The following CAPZB variants were observed in gnomAD, a reference collection of about 807,000 sequenced individuals.
CAPZB encodes the protein capping actin protein of muscle Z-line subunit beta.
CAPZB carries 2 observed loss-of-function variants against 38.1 expected under a neutral mutation model. That is an observed-to-expected ratio of 0.05 (90% CI 0.02 to 0.17). CAPZB has a LOEUF of 0.17. Ranked by LOEUF, CAPZB falls within the 10% of genes least tolerant of loss-of-function variation. The pLI is 1.00. For synonymous variants in CAPZB, 107 were observed against 127.4 expected, an observed-to-expected ratio of 0.84 and a Z score of 1.08; for missense variants, 161 against 334.2, an observed-to-expected ratio of 0.48 and a Z score of 4.04.
At chr1:19,384,277 G>A (rs993456134) in intron 3 of CAPZB, among the ~76,000 whole-genome samples, 2 of 151,786 alleles carry the variant, frequency 1.3e-5, no homozygotes, top group African/African-American at 4.8e-5. Flanking sequence ...CTCCACCTCT[G>A]GCCTTCTGCC....
intron 1 of CAPZB, among the ~76,000 whole-genome samples, chr1:19,433,227 C>T (rs562799229): frequency 2.0e-5 from 3 of 152,322 alleles, no homozygotes; most frequent in Middle Eastern, 3.4e-3. Context: ...AATCCTGAGA[C>T]GTCTTCAAGG....
intron 6 of CAPZB, among the ~76,000 whole-genome samples, chr1:19,353,676 C>T (rs1357034703): frequency 6.6e-6 from 1 of 152,202 alleles, no homozygotes; most frequent in Non-Finnish European, 1.5e-5. Context: ...CTTCTGAAAA[C>T]ACAGATCCAA....
chr1:19,440,732 C>T (rs2094473144), intron 1 of CAPZB, among the ~76,000 whole-genome samples: 1 of 152,176 alleles, frequency 6.6e-6, no homozygotes, highest in Non-Finnish European at 1.5e-5. Context: ...ATCCTGAAGA[C>T]AGACTATTAC....
chr1:19,378,653 C>T lies in CAPZB; in HGVS notation c.216G>A (p.Arg72=). ...CDYNRDGDSY[R]SPWSNKYDPP... ...GGTCATACTTGTTACTCCATGGTGA[C>T]CTGGAGGGAAGGAAGGAAAAGTATA... The change falls in exon 4 of 9, where the codon AGG becomes AGA. Residue 72 remains arginine (R), a splice_region_variant and synonymous_variant. Transcript: ENST00000264202. 5 of 1,556,436 alleles carry T rather than the reference C, an allele frequency of 3.2e-6. No homozygotes were observed. Among genetic ancestry groups the T allele is most frequent in the Non-Finnish European group, 4.4e-6 (5 of 1,127,838 alleles).
chr1:19,368,498 A>G lies in CAPZB; in HGVS notation c.329+10042T>C, dbSNP rs1223932789. On this transcript the variant is annotated intron_variant, in intron 4 of 8. Transcript: ENST00000264202. ...CCCGTCTCCATTTTTTTTCTTGGAA[A>G]AAAAAAAAAAAAAAAACGGTGGAGA... 4.0e-3 allele frequency among the ~76,000 whole-genome samples: 295 copies of G among 72,948 alleles called. 1 individual carries two copies. Among genetic ancestry groups the G allele is most frequent in the African/African-American group, 0.017 (273 of 16,242 alleles). 47.9% of individuals were successfully genotyped at this position (72,948 alleles called of 152,430 possible).
At chr1:19,388,838 G>A (rs1331336583) in intron 2 of CAPZB, among the ~76,000 whole-genome samples, 1 of 152,196 alleles carries the variant, frequency 6.6e-6, no homozygotes, top group Non-Finnish European at 1.5e-5. Context: ...TCTGTGATGG[G>A]ACTTCTGAAA....
chr1:19,481,859 G>A (rs902113049), intron 1 of CAPZB, among the ~76,000 whole-genome samples: 1 of 152,172 alleles, frequency 6.6e-6, no homozygotes, highest in African/African-American at 2.4e-5. Flanking sequence ...TCCCCCTTAA[G>A]CTTTAGGTAA....
At chr1:19,413,284 C>T (rs61766733) in intron 2 of CAPZB, among the ~76,000 whole-genome samples, 5,797 of 152,252 alleles carry the variant, frequency 0.038, 130 homozygotes, top group African/African-American at 0.049. Flanking sequence ...CAATAAATGT[C>T]GACTGAATCC....
rs191696068 is a variant in CAPZB, at chr1:19,443,816, C to T, written c.4-24066G>A. On this transcript the variant is annotated intron_variant, in intron 1 of 8. Transcript: ENST00000264202. ...CATGTCCCAGACTCAGCCTTCCTCA[C>T]CAAGAGGGACTCAAAGCCTTCTGGG... 3.0e-3 allele frequency among the ~76,000 whole-genome samples: 452 copies of T among 152,268 alleles called. 1 individual carries two copies. Among genetic ancestry groups the T allele is most frequent in the African/African-American group, 0.01 (435 of 41,550 alleles).
chr1:19,429,995 A>G (rs373554820), intron 1 of CAPZB, among the ~76,000 whole-genome samples: 26 of 151,956 alleles, frequency 1.7e-4, no homozygotes, highest in African/African-American at 6.3e-4. Flanking sequence ...CACTCTAGTA[A>G]CTCCCTCATG....
At chr1:19,473,677 A>C (rs2094597329) in intron 1 of CAPZB, among the ~76,000 whole-genome samples, 1 of 152,196 alleles carries the variant, frequency 6.6e-6, no homozygotes, top group Non-Finnish European at 1.5e-5. Context: ...CAGCCTGCCC[A>C]ACATGGCAAA....
intron 2 of CAPZB, among the ~76,000 whole-genome samples, chr1:19,400,013 A>C (rs2094294396): frequency 6.6e-6 from 1 of 152,202 alleles, no homozygotes; most frequent in Non-Finnish European, 1.5e-5. Context: ...GGGAAGAAGG[A>C]AAAGGCTTGG....
intron 6 of CAPZB, among the ~76,000 whole-genome samples, chr1:19,350,184 C>T (rs1433928677): frequency 1.3e-5 from 2 of 152,276 alleles, no homozygotes; most frequent in Admixed American, 6.5e-5. Context: ...CATCTTCTAG[C>T]GCGACCCGCA....
At chr1:19,352,234 C>G (rs2093995446) in intron 6 of CAPZB, among the ~76,000 whole-genome samples, 1 of 152,252 alleles carries the variant, frequency 6.6e-6, no homozygotes, top group Admixed American at 6.5e-5. Context: ...CTAGGATACA[C>G]AGGCAAGTGC....
chr1:19,399,195 C>G (rs1004429104), intron 2 of CAPZB, among the ~76,000 whole-genome samples: 1 of 152,070 alleles, frequency 6.6e-6, no homozygotes, highest in Non-Finnish European at 1.5e-5. Context: ...AACCATTGGA[C>G]CGTACACTTT....
chr1:19,368,679 T>A (rs892672500), intron 4 of CAPZB, among the ~76,000 whole-genome samples: 3 of 147,278 alleles, frequency 2.0e-5, no homozygotes, highest in Non-Finnish European at 4.6e-5. Context: ...TTTTTTTTTT[T>A]TAATTAGACA....
intron 1 of CAPZB, among the ~76,000 whole-genome samples, chr1:19,468,537 CTG>C (rs2094575790): frequency 6.6e-6 from 1 of 152,202 alleles, no homozygotes; most frequent in African/African-American, 2.4e-5. Flanking sequence ...ATGATAAACT[CTG>C]AGGTATCAGC....
chr1:19,439,876 T>C (rs1164198738), intron 1 of CAPZB, among the ~76,000 whole-genome samples: 1 of 152,228 alleles, frequency 6.6e-6, no homozygotes, highest in Non-Finnish European at 1.5e-5. Flanking sequence ...GCAAGTATTC[T>C]GTTTTGGTTT....
chr1:19,464,989 C>T (rs1195684151), intron 1 of CAPZB, among the ~76,000 whole-genome samples: 1 of 152,076 alleles, frequency 6.6e-6, no homozygotes, highest in Non-Finnish European at 1.5e-5. Flanking sequence ...ATGATTAGTA[C>T]CAAAACTCAA....
Sources: gnomAD v4.1 joint callset for allele counts (sites outside exome capture counted in the v4.1 genomes callset) on GRCh38, gnomAD v4.1.1 for gene constraint, MANE v1.5 for transcripts, NCBI Gene and HGNC (gene_info 2026-07-23, HGNC 2026-07-21) for gene names.